HPSE2: variants seen among roughly 807,000 people sequenced by gnomAD.
HPSE2 encodes inactive heparanase-2.
A neutral mutation model predicts 60.5 loss-of-function variants in HPSE2; 38 were observed. The ratio of observed to expected loss-of-function variants is 0.63; its 90% CI spans 0.48 to 0.82. HPSE2 has a LOEUF of 0.82. HPSE2 is among the 40% of genes least tolerant of loss of function. HPSE2 has a pLI of 0.00. For missense variants in HPSE2, 713 were observed against 740.4 expected (o/e 0.96, Z 0.43); for synonymous variants, 295 against 293.2 (o/e 1.01, Z -0.06).
intron 3 of HPSE2, among the ~76,000 whole-genome samples, chr10:98,936,179 A>C (rs1488959998): frequency 7.0e-6 from 1 of 143,828 alleles, no homozygotes; most frequent in African/African-American, 2.8e-5. Context: ...CCCCAGGCAG[A>C]CTCCAGACTT....
chr10:99,235,497 G>A lies in HPSE2; in HGVS notation c.290+16C>T, dbSNP rs1160978299. The stretch of plus-strand genomic sequence containing the variant: ...ACTAAAAAATTTTAAATGATCCATC[G>A]AAACCCCTGCCTTACCTTAGGAAAT... On this transcript the variant is annotated intron_variant, in intron 1 of 11. Coordinates refer to ENST00000370552, the MANE Select transcript of HPSE2 (RefSeq NM_021828.5). 3 of 1,613,764 alleles carry A rather than the reference G, an allele frequency of 1.9e-6. No homozygotes were observed. Among genetic ancestry groups the A allele is most frequent in the South Asian group, 2.2e-5 (2 of 91,058 alleles).
intron 3 of HPSE2, among the ~76,000 whole-genome samples, chr10:98,911,274 G>A (rs752541034): frequency 6.6e-6 from 1 of 152,156 alleles, no homozygotes; most frequent in Non-Finnish European, 1.5e-5. Context: ...CAGGAGATAA[G>A]TACAAAGAAT....
chr10:98,517,203 G>C (rs1329282571), intron 9 of HPSE2, among the ~76,000 whole-genome samples: 3 of 151,764 alleles, frequency 2.0e-5, no homozygotes, highest in Admixed American at 1.3e-4. Flanking sequence ...GTGGGGTGGG[G>C]GGGGCGAGGC....
chr10:99,158,451 T>C (rs1456669021), intron 2 of HPSE2, among the ~76,000 whole-genome samples: 1 of 103,274 alleles, frequency 9.7e-6, no homozygotes, highest in Admixed American at 1.1e-4. Context: ...AGGTCCTTTG[T>C]AGGGACATGG....
At chr10:98,546,147 TA>T (rs529782332) in intron 9 of HPSE2, among the ~76,000 whole-genome samples, 1 of 135,824 alleles carries the variant, frequency 7.4e-6, no homozygotes, top group Non-Finnish European at 1.7e-5. Flanking sequence ...CTCAATGAAA[TA>T]AAAGAGGATA....
chr10:99,225,750 AT>A (rs1369401305), intron 2 of HPSE2, among the ~76,000 whole-genome samples: 24 of 152,034 alleles, frequency 1.6e-4, no homozygotes, highest in Non-Finnish European at 3.1e-4. Context: ...GTAAAATAAA[AT>A]AGCCTCTTTT....
upstream of HPSE2, chr10:99,235,938 ACT>A (rs569676120): frequency 5.6e-4 from 335 of 598,278 alleles, no homozygotes; most frequent in Middle Eastern, 8.4e-4. Flanking sequence ...ACACACACAC[ACT>A]CTCTCTCTCT....
In HPSE2 at chr10:99,158,569, C is replaced by G. The variant is rs1846683192; in HGVS notation, c.449-14170G>C. ...ATTGAACAATGAGATCACATGGACA[C>G]AGGAAGGGGACTATCACACTCTGGG... On this transcript the variant is annotated intron_variant, in intron 2 of 11. Coordinates refer to ENST00000370552, the MANE Select transcript of HPSE2 (RefSeq NM_021828.5). Among the ~76,000 whole-genome samples, 2 of 139,136 alleles carry G rather than the reference C, an allele frequency of 1.4e-5. 1 individual carries two copies. The highest frequency in any genetic ancestry group is 5.5e-5 in the African/African-American group (2 of 36,252). The allele number at this position is 139,136 out of a possible 152,430, so 91.3% of individuals were successfully genotyped here. A position where few individuals can be genotyped will look rare whatever the true frequency, so the allele number is the denominator to read the frequency against.
chr10:99,125,766 T>C (rs961132380), intron 3 of HPSE2, among the ~76,000 whole-genome samples: 2 of 152,290 alleles, frequency 1.3e-5, no homozygotes, highest in South Asian at 4.1e-4. Flanking sequence ...TAGGGAACCA[T>C]GCAAAATACA....
chr10:98,687,639 CA>C (rs1042954556), intron 6 of HPSE2, among the ~76,000 whole-genome samples: 2 of 152,176 alleles, frequency 1.3e-5, no homozygotes, highest in African/African-American at 4.8e-5. Context: ...CTGCCTATCA[CA>C]GGACAATACA....
chr10:99,015,384 C>T lies in HPSE2; in HGVS notation c.610+128854G>A, dbSNP rs1465686233. 3.3e-5 allele frequency among the ~76,000 whole-genome samples: 5 copies of T among 152,244 alleles called. No individual in the cohort carries two copies. In the East Asian group the frequency reaches 7.7e-4, roughly 24 times the overall value. ...ACATGCACACGTATGTTTATTGTGGCACTATTCACAACAGAAAAGACTTGG... is the reference window on the plus strand; with the variant it reads ...ACATGCACACGTATGTTTATTGTGGTACTATTCACAACAGAAAAGACTTGG... On this transcript the variant is annotated intron_variant, in intron 3 of 11. Transcript: ENST00000370552.
Position 98,723,997 on chromosome 10 carries a change from C to G in HPSE2, c.785-2169G>C, listed in dbSNP as rs543059965. ...TGCTTTGATCTTAGTTATTTCTTGCCTTTTGCTAGCTTTTGAATGTGTTTG... is the reference window on the plus strand; with the variant it reads ...TGCTTTGATCTTAGTTATTTCTTGCGTTTTGCTAGCTTTTGAATGTGTTTG... On this transcript the variant is annotated intron_variant, in intron 4 of 11. Transcript: ENST00000370552. Among the ~76,000 whole-genome samples the G allele has an allele frequency of 7.9e-5, 12 of 152,088 alleles. No homozygotes were observed. The South Asian group carries it at 2.5e-3, about 32-fold the overall frequency.
intron 3 of HPSE2, among the ~76,000 whole-genome samples, chr10:99,101,554 C>T (rs1043469545): frequency 6.6e-6 from 1 of 152,054 alleles, no homozygotes; most frequent in African/African-American, 2.4e-5. Context: ...ACTTTAACAC[C>T]CCACTGTCAA....
intron 3 of HPSE2, among the ~76,000 whole-genome samples, chr10:98,988,350 A>G (rs1201435637): frequency 6.6e-6 from 1 of 152,310 alleles, no homozygotes; most frequent in East Asian, 1.9e-4. Context: ...ACATATCTAC[A>G]GCTATCTGAT....
At chr10:98,983,707 G>A (rs567889241) in intron 3 of HPSE2, among the ~76,000 whole-genome samples, 9 of 152,300 alleles carry the variant, frequency 5.9e-5, no homozygotes, top group East Asian at 3.9e-4. Context: ...CGCCTCACCC[G>A]GGAAGTGCAA....
chr10:99,247,614 A>T, the HPSE2 span, among the ~76,000 whole-genome samples: 7 of 152,190 alleles, frequency 4.6e-5, no homozygotes, highest in African/African-American at 7.2e-5. Context: ...TGATTTTTTT[A>T]AAAAATGAGA....
intron 3 of HPSE2, among the ~76,000 whole-genome samples, chr10:98,973,214 C>T (rs1956001540): frequency 6.6e-6 from 1 of 152,116 alleles, no homozygotes; most frequent in Non-Finnish European, 1.5e-5. Context: ...TCAGAGCCTG[C>T]AGTAACCCTT....
chr10:99,299,719 T>C, the HPSE2 span, among the ~76,000 whole-genome samples: 2 of 152,066 alleles, frequency 1.3e-5, no homozygotes, highest in African/African-American at 2.4e-5. Flanking sequence ...ACTTGTTTAA[T>C]AGATAGTATG....
chr10:99,082,071 T>G (rs561735856), intron 3 of HPSE2, among the ~76,000 whole-genome samples: 16 of 152,308 alleles, frequency 1.1e-4, no homozygotes, highest in African/African-American at 3.8e-4. Context: ...GCTCTTCAGA[T>G]GACTAAAAGC....
Sources: allele counts gnomAD v4.1 joint callset (sites outside exome capture counted in the v4.1 genomes callset), GRCh38; gene constraint gnomAD v4.1.1; transcripts MANE v1.5; gene names NCBI Gene and HGNC (gene_info 2026-07-23, HGNC 2026-07-21).